Variants in NRXN3 observed in about 807,000 individuals in gnomAD.
NRXN3 encodes the protein neurexin III.
Under a neutral mutation model 137.6 loss-of-function variants are expected in NRXN3, and 32 were observed. That is an observed-to-expected ratio of 0.23 (90% CI 0.18 to 0.31). The LOEUF (loss-of-function observed/expected upper bound fraction) is 0.31. Ranked by LOEUF, NRXN3 falls within the 10% of genes least tolerant of loss-of-function variation. NRXN3 has a pLI of 1.00. For missense variants in NRXN3, 1,574 were observed against 2,062.5 expected, an observed-to-expected ratio of 0.76 and a Z score of 4.59; for synonymous variants, 798 against 784.5, an observed-to-expected ratio of 1.02 and a Z score of -0.29.
chr14:78,921,338 G>A (rs1426285449), intron 10 of NRXN3, among the ~76,000 whole-genome samples: 1 of 152,172 alleles, frequency 6.6e-6, no homozygotes, highest in Non-Finnish European at 1.5e-5. Context: ...TTCAAGTTAG[G>A]CAAACTCATT....
chr14:79,222,904 A>G (rs2070059632), intron 15 of NRXN3, among the ~76,000 whole-genome samples: 1 of 152,090 alleles, frequency 6.6e-6, no homozygotes, highest in African/African-American at 2.4e-5. Flanking sequence ...AGTTTTTAAC[A>G]TATTTTGGAT....
intron 19 of NRXN3, among the ~76,000 whole-genome samples, chr14:79,803,350 T>C (rs1276295964): frequency 6.6e-6 from 1 of 152,134 alleles, no homozygotes; most frequent in African/African-American, 2.4e-5. Flanking sequence ...GCTTAGACAA[T>C]AGAAATTTAT....
chr14:79,841,108 C>T (rs1358581145), intron 20 of NRXN3, among the ~76,000 whole-genome samples: 1 of 152,144 alleles, frequency 6.6e-6, no homozygotes, highest in Non-Finnish European at 1.5e-5. Context: ...AAGTTAGACA[C>T]AGTCAAAGCC....
intron 6 of NRXN3, among the ~76,000 whole-genome samples, chr14:78,707,696 C>G (rs2098367429): frequency 6.6e-6 from 1 of 152,052 alleles, no homozygotes; most frequent in Non-Finnish European, 1.5e-5. Flanking sequence ...GTCTTTTATT[C>G]CTCACCCTCA....
At chr14:78,412,642 G>A (rs1457917299) in intron 4 of NRXN3, among the ~76,000 whole-genome samples, 1 of 152,166 alleles carries the variant, frequency 6.6e-6, no homozygotes, top group East Asian at 1.9e-4. Flanking sequence ...CAGCCAGTAA[G>A]GGGAAGGGTG....
intron 10 of NRXN3, among the ~76,000 whole-genome samples, chr14:78,908,180 T>C (rs1402931334): frequency 6.6e-6 from 1 of 152,098 alleles, no homozygotes; most frequent in Non-Finnish European, 1.5e-5. Flanking sequence ...TTAACACTTT[T>C]TGTGGCTTAA....
At chr14:79,755,447 T>G (rs1436942218) in intron 19 of NRXN3, among the ~76,000 whole-genome samples, 1 of 152,106 alleles carries the variant, frequency 6.6e-6, no homozygotes, top group African/African-American at 2.4e-5. Context: ...TGCTTTCTGG[T>G]TTTCTGCCTA....
intron 19 of NRXN3, among the ~76,000 whole-genome samples, chr14:79,711,930 G>A (rs935424060): frequency 6.6e-6 from 1 of 152,118 alleles, no homozygotes; most frequent in Non-Finnish European, 1.5e-5. Context: ...TAGCTAGAGA[G>A]TTTCCTAAGG....
chr14:78,932,739 GAGGCATACCTTCTCAATAATT>G (rs2099325764), intron 10 of NRXN3, among the ~76,000 whole-genome samples: 1 of 152,118 alleles, frequency 6.6e-6, no homozygotes, highest in South Asian at 2.1e-4. Context: ...TCTTAGCCTT[GAGGCATACCTTCTCAATAATT>G]AGGAGAATGA....
intron 8 of NRXN3, among the ~76,000 whole-genome samples, chr14:78,799,383 C>T (rs185876950): frequency 6.6e-6 from 1 of 152,280 alleles, no homozygotes; most frequent in African/African-American, 2.4e-5. Context: ...ACTCCAGTTC[C>T]CAAAAAGTTC....
chr14:78,378,484 C>A (rs1340046259), intron 4 of NRXN3, among the ~76,000 whole-genome samples: 4 of 126,874 alleles, frequency 3.2e-5, no homozygotes, highest in African/African-American at 8.9e-5. Context: ...GATTCTGTCT[C>A]AAAAAAAAAA....
At chr14:79,847,020 C>A (rs1029107933) in intron 20 of NRXN3, among the ~76,000 whole-genome samples, 5 of 152,178 alleles carry the variant, frequency 3.3e-5, no homozygotes, top group Non-Finnish European at 7.4e-5. Context: ...CTTAAAAATT[C>A]TAAAAGTGCT....
chr14:79,758,869 G>T (rs966279323), intron 19 of NRXN3, among the ~76,000 whole-genome samples: 1 of 152,286 alleles, frequency 6.6e-6, no homozygotes, highest in African/African-American at 2.4e-5. Context: ...AGCATGGGTT[G>T]CCAAGCTACA....
At chr14:78,862,316 G>A (rs2099074720) in intron 10 of NRXN3, among the ~76,000 whole-genome samples, 1 of 151,990 alleles carries the variant, frequency 6.6e-6, no homozygotes, top group African/African-American at 2.4e-5. Flanking sequence ...AATGAGCTTG[G>A]CAGATTTGAA....
chr14:78,977,145 C>A lies in NRXN3; in HGVS notation c.3142+8799C>A, dbSNP rs556181473. On this transcript the variant is annotated intron_variant, in intron 14 of 20. Transcript: ENST00000335750. ...GTCACATTACTAGTAAGTGATTAAA[C>A]TGGATTTTAAAGCCCATGACCTTTC... is the stretch of plus-strand genomic sequence containing the variant. Among the ~76,000 whole-genome samples the A allele has an allele frequency of 5.1e-4, 77 of 152,258 alleles. 1 individual carries two copies. Among genetic ancestry groups the A allele is most frequent in the African/African-American group, 1.8e-3 (76 of 41,570 alleles).
At chr14:78,478,863 T>C (rs950525406) in intron 4 of NRXN3, among the ~76,000 whole-genome samples, 1 of 152,166 alleles carries the variant, frequency 6.6e-6, no homozygotes, top group African/African-American at 2.4e-5. Flanking sequence ...TCTTCCACTT[T>C]CCAATCACTT....
chr14:79,237,670 A>C (rs2073628254), intron 15 of NRXN3, among the ~76,000 whole-genome samples: 1 of 152,134 alleles, frequency 6.6e-6, no homozygotes, highest in Admixed American at 6.6e-5. Flanking sequence ...TCCATGTGTT[A>C]AGAGATGGGG....
At chr14:79,236,493 CTCT>C (rs1351467363) in intron 15 of NRXN3, among the ~76,000 whole-genome samples, 1 of 152,050 alleles carries the variant, frequency 6.6e-6, no homozygotes, top group African/African-American at 2.4e-5. Context: ...TATATGAGAG[CTCT>C]TCTTTCTATC....
intron 15 of NRXN3, among the ~76,000 whole-genome samples, chr14:79,048,212 C>T (rs1420972405): frequency 6.6e-6 from 1 of 152,094 alleles, no homozygotes; most frequent in Non-Finnish European, 1.5e-5. Flanking sequence ...CAAAACTAGG[C>T]AAAATTAACC....
Sources: allele counts gnomAD v4.1 joint callset (sites outside exome capture counted in the v4.1 genomes callset), GRCh38; gene constraint gnomAD v4.1.1; transcripts MANE v1.5; gene names NCBI Gene and HGNC (gene_info 2026-07-23, HGNC 2026-07-21).